Variants in MYH15 observed in about 807,000 individuals in gnomAD.
The protein encoded by MYH15 is myosin-15.
A neutral mutation model predicts 240.5 loss-of-function variants in MYH15; 227 were observed. That is an observed-to-expected ratio of 0.94 (90% CI 0.85 to 1.05). The LOEUF is 1.05. MYH15 is among the 50% of genes least tolerant of loss of function. The pLI, the probability that MYH15 is intolerant of heterozygous loss-of-function variation, is 0.00. For synonymous variants in MYH15, 785 were observed against 796.7 expected (o/e 0.99, Z 0.25); for missense variants, 2,217 against 2,247.5 (o/e 0.99, Z 0.27).
At chr3:108,434,504 T>C (rs1289815793) in intron 25 of MYH15, among the ~76,000 whole-genome samples, 4 of 151,946 alleles carry the variant, frequency 2.6e-5, no homozygotes, top group Non-Finnish European at 5.9e-5. Context: ...CTTATCAATA[T>C]ATTAAGCTTA....
rs952815845 is a variant in MYH15, at chr3:108,462,973, A to C, written c.1864+138T>G. 3.2e-6 allele frequency: 3 copies of C among 936,130 alleles called. No individual in the cohort carries two copies. The Admixed American group carries it at 8.0e-5, about 25-fold the overall frequency. 58.0% of individuals were successfully genotyped at this position (936,130 alleles called of 1,614,324 possible). ...AAGAACCCCCAGCCTGAAGACAGAAAGACTAATAAGAGGGGACGACTCAGA... is the reference window on the plus strand; with the variant it reads ...AAGAACCCCCAGCCTGAAGACAGAACGACTAATAAGAGGGGACGACTCAGA... On this transcript the variant is annotated intron_variant, in intron 16 of 40. Coordinates refer to ENST00000693548, the MANE Select transcript of MYH15 (RefSeq NM_014981.3).
chr3:108,497,110 G>A lies in MYH15; in HGVS notation c.618+942C>T, dbSNP rs1196462077. 1.0e-4 allele frequency among the ~76,000 whole-genome samples: 13 copies of A among 130,160 alleles called. No homozygotes were observed. The East Asian group carries it at 3.0e-3, about 30-fold the overall frequency. 85.4% of individuals were successfully genotyped at this position (130,160 alleles called of 152,430 possible). A position where few individuals can be genotyped will look rare whatever the true frequency, so the allele number is the denominator to read the frequency against. On this transcript the variant is annotated intron_variant, in intron 6 of 40. Transcript: ENST00000693548. ...CAGGAGGCGGAGGTTGCAGTGAGCCGAGACAGCACCACTGCAGTCCGGCCT... is the reference window on the plus strand; with the variant it reads ...CAGGAGGCGGAGGTTGCAGTGAGCCAAGACAGCACCACTGCAGTCCGGCCT...
At chr3:108,477,559 T>A (rs2083231095) in intron 11 of MYH15, among the ~76,000 whole-genome samples, 2 of 152,176 alleles carry the variant, frequency 1.3e-5, no homozygotes, top group Non-Finnish European at 2.9e-5. Context: ...GAAAATGCCA[T>A]CTTTATAATT....
At chr3:108,388,873 A>C (rs1189732679) in intron 38 of MYH15, 97 bp downstream of exon 38, 2 of 941,716 alleles carry the variant, frequency 2.1e-6, no homozygotes, top group Non-Finnish European at 3.3e-6. Context: ...TGAAGAGAGA[A>C]CGGCAGGAGT....
chr3:108,445,273 A>G (rs1475983854), intron 21 of MYH15, among the ~76,000 whole-genome samples: 1 of 152,210 alleles, frequency 6.6e-6, no homozygotes, highest in African/African-American at 2.4e-5. Flanking sequence ...TTGTATTTTC[A>G]TATTCACATG....
upstream of MYH15, among the ~76,000 whole-genome samples, chr3:108,529,497 G>C (rs1328759319): frequency 6.6e-6 from 1 of 152,160 alleles, no homozygotes; most frequent in Non-Finnish European, 1.5e-5. Context: ...GAAGGCTTTG[G>C]CTATCTCGCT....
At chr3:108,488,780 A>T (rs1042357514) in intron 9 of MYH15, among the ~76,000 whole-genome samples, 1 of 152,162 alleles carries the variant, frequency 6.6e-6, no homozygotes, top group Non-Finnish European at 1.5e-5. Flanking sequence ...TACTGAGTTC[A>T]TTTCCCTTGG....
chr3:108,412,911 TACAG>T (rs2082605508), intron 30 of MYH15, among the ~76,000 whole-genome samples: 2 of 152,218 alleles, frequency 1.3e-5, no homozygotes, highest in African/African-American at 2.4e-5. Context: ...AAAAGCATAA[TACAG>T]ACAAAGTTTT....
At chr3:108,426,971 TC>T (rs1553765982) in intron 27 of MYH15, among the ~76,000 whole-genome samples, 2 of 152,264 alleles carry the variant, frequency 1.3e-5, no homozygotes, top group Non-Finnish European at 2.9e-5. Flanking sequence ...ACCTCTTTTT[TC>T]TTTCTGATTT....
upstream of MYH15, among the ~76,000 whole-genome samples, chr3:108,533,997 A>T (rs74586708): frequency 0.01 from 1,531 of 152,316 alleles, 51 homozygotes; most frequent in East Asian, 0.087. Context: ...AGCATTTTTT[A>T]AAAAATACTC....
intron 32 of MYH15, among the ~76,000 whole-genome samples, chr3:108,405,795 A>C (rs888110279): frequency 6.6e-6 from 1 of 152,144 alleles, no homozygotes; most frequent in Non-Finnish European, 1.5e-5. Context: ...CTTTGGGATA[A>C]ATTTTAAAAA....
intron 1 of MYH15, among the ~76,000 whole-genome samples, chr3:108,522,974 T>G (rs1269099301): frequency 6.6e-6 from 1 of 152,112 alleles, no homozygotes; most frequent in Non-Finnish European, 1.5e-5. Flanking sequence ...GGCCCCCATC[T>G]TCTTCCTTTA....
At chr3:108,432,355 G>T (rs151247774) in intron 25 of MYH15, among the ~76,000 whole-genome samples, 181 of 152,134 alleles carry the variant, frequency 1.2e-3, no homozygotes, top group Admixed American at 3.9e-3. Flanking sequence ...ACTGCACCCT[G>T]CCTGCATTCA....
chr3:108,528,544 C>G (rs188390602), intron 1 of MYH15, among the ~76,000 whole-genome samples: 100 of 152,168 alleles, frequency 6.6e-4, no homozygotes, highest in Non-Finnish European at 1.3e-3. Flanking sequence ...AAGCCATGAC[C>G]TAATTTAGGT....
At chr3:108,472,079 T>C (rs1395575252) in intron 12 of MYH15, among the ~76,000 whole-genome samples, 1 of 152,246 alleles carries the variant, frequency 6.6e-6, no homozygotes, top group Non-Finnish European at 1.5e-5. Context: ...TTGTGAATCA[T>C]TCTGACTCAG....
At chr3:108,482,374 G>A (rs1040596912) in intron 11 of MYH15, among the ~76,000 whole-genome samples, 5 of 152,236 alleles carry the variant, frequency 3.3e-5, no homozygotes, top group Admixed American at 2.0e-4. Context: ...TTAGCAGTAG[G>A]GAAGATAAGG....
chr3:108,505,722 C>A lies in MYH15; in HGVS notation c.195+1G>T. On this transcript the variant is annotated splice_donor_variant, in intron 2 of 40. Transcript: ENST00000693548. LOFTEE classifies it high-confidence loss of function. ...CTGCAATGAAATAAAAATTTCTTTA[C>A]CTCTCCATCTGCTGTCTCAACAATT... The A allele has an allele frequency of 6.3e-7, 1 of 1,595,504 alleles. No individual in the cohort carries two copies. The highest frequency in any genetic ancestry group is 8.6e-7 in the Non-Finnish European group (1 of 1,167,600).
At chr3:108,493,034 G>GAAGGA (rs1388656221) in intron 8 of MYH15, 80 bp downstream of exon 8, 27 of 1,117,948 alleles carry the variant, frequency 2.4e-5, no homozygotes, top group Non-Finnish European at 3.5e-5. Context: ...AGGAAGGAAG[G>GAAGGA]AAGGAAGGAA....
intron 14 of MYH15, among the ~76,000 whole-genome samples, chr3:108,465,229 C>T (rs1296624932): frequency 6.6e-6 from 1 of 152,194 alleles, no homozygotes; most frequent in African/African-American, 2.4e-5. Context: ...TAAGACACCT[C>T]TCCTGAATGA....
Sources: allele counts gnomAD v4.1 joint callset (sites outside exome capture counted in the v4.1 genomes callset), GRCh38; gene constraint gnomAD v4.1.1; transcripts MANE v1.5; gene names NCBI Gene and HGNC (gene_info 2026-07-23, HGNC 2026-07-21).